The following LRRTM4 variants were observed in gnomAD, a reference collection of about 807,000 sequenced individuals.
The protein encoded by LRRTM4 is leucine rich repeat transmembrane neuronal 4.
In LRRTM4, 25 loss-of-function variants were observed where a neutral mutation model predicts 47.6. The observed-to-expected ratio is 0.53, with a 90% CI of 0.38 to 0.73. The LOEUF is 0.73. LRRTM4 is among the 30% of genes least tolerant of loss of function. The pLI is 0.00. For missense variants in LRRTM4, 638 were observed against 713.4 expected, an observed-to-expected ratio of 0.89 and a Z score of 1.20; for synonymous variants, 311 against 269.5, an observed-to-expected ratio of 1.15 and a Z score of -1.51.
At chr2:77,313,192 T>A (rs1237732862) in intron 3 of LRRTM4, among the ~76,000 whole-genome samples, 1 of 150,644 alleles carries the variant, frequency 6.6e-6, no homozygotes, top group Non-Finnish European at 1.5e-5. Flanking sequence ...TCCTGAGACC[T>A]GTTGTGGTGA....
chr2:76,940,656 CAAAT>C (rs1270609638), intron 3 of LRRTM4, among the ~76,000 whole-genome samples: 3 of 151,976 alleles, frequency 2.0e-5, no homozygotes, highest in Admixed American at 6.5e-5. Context: ...TAAAAACAAA[CAAAT>C]ATTTTGTTGT....
intron 3 of LRRTM4, among the ~76,000 whole-genome samples, chr2:77,493,002 T>C (rs1046129684): frequency 1.3e-5 from 2 of 152,068 alleles, no homozygotes; most frequent in Non-Finnish European, 2.9e-5. Context: ...AGAAGTCTTA[T>C]AAATCAATAC....
At chr2:76,861,774 A>G (rs914475705) in intron 3 of LRRTM4, among the ~76,000 whole-genome samples, 2 of 152,230 alleles carry the variant, frequency 1.3e-5, no homozygotes, top group African/African-American at 2.4e-5. Flanking sequence ...GGAGCACGGC[A>G]TGAGGATTTG....
chr2:77,099,084 ACTC>A (rs1670883649), intron 3 of LRRTM4, among the ~76,000 whole-genome samples: 1 of 151,760 alleles, frequency 6.6e-6, no homozygotes, highest in African/African-American at 2.4e-5. Flanking sequence ...TAATACATAA[ACTC>A]CTAGCTATAG....
intron 3 of LRRTM4, among the ~76,000 whole-genome samples, chr2:76,808,246 C>G (rs1238480883): frequency 6.6e-6 from 1 of 151,966 alleles, no homozygotes; most frequent in Non-Finnish European, 1.5e-5. Flanking sequence ...TCTCGAACTC[C>G]TGACTTCGTG....
intron 3 of LRRTM4, among the ~76,000 whole-genome samples, chr2:77,375,282 T>C (rs974389370): frequency 3.3e-5 from 5 of 151,820 alleles, no homozygotes; most frequent in African/African-American, 1.2e-4. Flanking sequence ...TAAGTATTTT[T>C]GATATACAAA....
chr2:77,424,142 T>C (rs1446756719), intron 3 of LRRTM4, among the ~76,000 whole-genome samples: 1 of 152,200 alleles, frequency 6.6e-6, no homozygotes. Context: ...GGTCAGAATC[T>C]GAAATTAAGT....
intron 3 of LRRTM4, among the ~76,000 whole-genome samples, chr2:77,093,980 T>C (rs1670734494): frequency 6.8e-6 from 1 of 147,856 alleles, no homozygotes; most frequent in South Asian, 2.1e-4. Flanking sequence ...CCTACCCAAA[T>C]CCTATAAAAC....
At chr2:76,959,392 G>T (rs80159788) in intron 3 of LRRTM4, among the ~76,000 whole-genome samples, 5,659 of 151,172 alleles carry the variant, frequency 0.037, 242 homozygotes, top group East Asian at 0.14. Context: ...ATTAGAGGTG[G>T]GTGATAAGAC....
At chr2:77,109,701 A>G (rs1200891901) in intron 3 of LRRTM4, among the ~76,000 whole-genome samples, 1 of 152,138 alleles carries the variant, frequency 6.6e-6, no homozygotes, top group Non-Finnish European at 1.5e-5. Flanking sequence ...AAAAAATAGT[A>G]ACATAGAATT....
intron 3 of LRRTM4, among the ~76,000 whole-genome samples, chr2:77,155,177 GA>G (rs1672527434): frequency 6.6e-6 from 1 of 151,914 alleles, no homozygotes; most frequent in South Asian, 2.1e-4. Flanking sequence ...CAGTGAAAGA[GA>G]ATAAAAAGCC....
intron 3 of LRRTM4, among the ~76,000 whole-genome samples, chr2:76,768,418 T>A (rs1673542042): frequency 6.6e-6 from 1 of 152,104 alleles, no homozygotes; most frequent in Non-Finnish European, 1.5e-5. Flanking sequence ...TATTGGCTTT[T>A]CATTAGGTCA....
intron 3 of LRRTM4, among the ~76,000 whole-genome samples, chr2:77,234,395 C>A (rs546338214): frequency 3.3e-5 from 5 of 152,000 alleles, no homozygotes; most frequent in African/African-American, 1.2e-4. Context: ...ATAATGATTT[C>A]GAATAATCTG....
At chr2:77,426,239 CACTA>C (rs1320893193) in intron 3 of LRRTM4, among the ~76,000 whole-genome samples, 4 of 152,026 alleles carry the variant, frequency 2.6e-5, no homozygotes, top group East Asian at 1.9e-4. Flanking sequence ...TAGTGTCTTT[CACTA>C]ACTAACACCA....
chr2:76,938,175 T>C (rs1000607873), intron 3 of LRRTM4, among the ~76,000 whole-genome samples: 1 of 152,176 alleles, frequency 6.6e-6, no homozygotes, highest in Admixed American at 6.5e-5. Context: ...TTTATTTTTC[T>C]CCTTACATTT....
intron 3 of LRRTM4, among the ~76,000 whole-genome samples, chr2:76,916,041 G>C (rs1269567820): frequency 6.6e-6 from 1 of 151,856 alleles, no homozygotes; most frequent in African/African-American, 2.4e-5. Context: ...AATAATCAGA[G>C]ATTAAGAATA....
chr2:77,337,743 G>A (rs1239410538), intron 3 of LRRTM4, among the ~76,000 whole-genome samples: 3 of 151,952 alleles, frequency 2.0e-5, no homozygotes, highest in South Asian at 4.2e-4. Context: ...CCCAGTCTCC[G>A]GTATTTCTTT....
At chr2:77,312,431 A>G (rs1305529988) in intron 3 of LRRTM4, among the ~76,000 whole-genome samples, 1 of 152,188 alleles carries the variant, frequency 6.6e-6, no homozygotes, top group African/African-American at 2.4e-5. Flanking sequence ...ATAATTTTAG[A>G]TCAGTAGGCT....
At chr2:77,266,357 A>G (rs1329587425) in intron 3 of LRRTM4, among the ~76,000 whole-genome samples, 1 of 152,142 alleles carries the variant, frequency 6.6e-6, no homozygotes, top group Non-Finnish European at 1.5e-5. Flanking sequence ...CAAAGATAAA[A>G]TGAGATAATA....
Sources: gnomAD v4.1 joint callset for allele counts (sites outside exome capture counted in the v4.1 genomes callset) on GRCh38, gnomAD v4.1.1 for gene constraint, MANE v1.5 for transcripts, NCBI Gene and HGNC (gene_info 2026-07-23, HGNC 2026-07-21) for gene names.